REDIC1: variants seen among roughly 807,000 people sequenced by gnomAD.
REDIC1 encodes the protein HEI10 Interacting Protein 1.
chr12:39,741,667 G>A, the REDIC1 span, among the ~76,000 whole-genome samples: 45 of 152,298 alleles, frequency 3.0e-4, no homozygotes, highest in African/African-American at 1.1e-3. Flanking sequence ...AGGAGTTACA[G>A]GTAAAGACAT....
the REDIC1 span, among the ~76,000 whole-genome samples, chr12:39,903,139 C>A: frequency 1.3e-5 from 2 of 152,062 alleles, no homozygotes; most frequent in Non-Finnish European, 2.9e-5. Context: ...CTAAATTGGT[C>A]TGATAGGCAT....
the REDIC1 span, among the ~76,000 whole-genome samples, chr12:39,752,329 C>G: frequency 9.4e-4 from 143 of 152,214 alleles, no homozygotes; most frequent in Non-Finnish European, 1.6e-3. Context: ...ACTGTGCATG[C>G]AAGGGATCTA....
At chr12:39,748,606 C>G in the REDIC1 span, among the ~76,000 whole-genome samples, 1 of 152,340 alleles carries the variant, frequency 6.6e-6, no homozygotes, top group Non-Finnish European at 1.5e-5. Context: ...CCCAAATCAA[C>G]ACAATATACA....
chr12:39,775,901 C>T, the REDIC1 span, among the ~76,000 whole-genome samples: 6 of 152,182 alleles, frequency 3.9e-5, no homozygotes, highest in East Asian at 1.2e-3. Context: ...CACCCCTAAT[C>T]TGAAATCCAA....
the REDIC1 span, among the ~76,000 whole-genome samples, chr12:39,748,161 G>T: frequency 3.3e-5 from 5 of 152,278 alleles, no homozygotes; most frequent in South Asian, 1.0e-3. Flanking sequence ...CCATCAGTGT[G>T]CTGTATTCAG....
chr12:39,759,901 A>C, the REDIC1 span: 32 of 666,040 alleles, frequency 4.8e-5, no homozygotes, highest in Non-Finnish European at 7.4e-5. Context: ...AGTATTCTAG[A>C]ATATGAAGTC....
At chr12:39,780,413 T>C in the REDIC1 span, among the ~76,000 whole-genome samples, 1 of 152,172 alleles carries the variant, frequency 6.6e-6, no homozygotes, top group Non-Finnish European at 1.5e-5. Flanking sequence ...TCCCCTAAGT[T>C]AGCATTCTTT....
At chr12:39,707,183 A>C in the REDIC1 span, among the ~76,000 whole-genome samples, 1 of 151,940 alleles carries the variant, frequency 6.6e-6, no homozygotes, top group Non-Finnish European at 1.5e-5. Context: ...AATAATCTCA[A>C]TAAGAAATAG....
the REDIC1 span, among the ~76,000 whole-genome samples, chr12:39,678,468 G>A: frequency 2.0e-5 from 3 of 151,706 alleles, no homozygotes; most frequent in Non-Finnish European, 4.4e-5. Flanking sequence ...CAAAAAAAAA[G>A]TCCGGGACCA....
the REDIC1 span, among the ~76,000 whole-genome samples, chr12:39,655,853 G>T: frequency 1.3e-5 from 2 of 152,170 alleles, no homozygotes; most frequent in South Asian, 2.1e-4. Flanking sequence ...GTGTGCCTTT[G>T]GTTACTTCAC....
chr12:39,688,980 A>G, the REDIC1 span, among the ~76,000 whole-genome samples: 35 of 152,092 alleles, frequency 2.3e-4, 1 homozygote, highest in Admixed American at 6.5e-5. Flanking sequence ...TTTTTTGTAG[A>G]ATGTACCCTT....
At chr12:39,808,427 G>A in the REDIC1 span, among the ~76,000 whole-genome samples, 3 of 152,088 alleles carry the variant, frequency 2.0e-5, no homozygotes, top group African/African-American at 7.2e-5. Context: ...AGAAACATTT[G>A]TTGGACACAT....
chr12:39,664,149 T>TA, the REDIC1 span, among the ~76,000 whole-genome samples: 1 of 152,016 alleles, frequency 6.6e-6, no homozygotes, highest in African/African-American at 2.4e-5. Flanking sequence ...TATGTATACA[T>TA]ATGCCATGTT....
chr12:39,723,129 T>C, the REDIC1 span, among the ~76,000 whole-genome samples: 1 of 152,166 alleles, frequency 6.6e-6, no homozygotes, highest in African/African-American at 2.4e-5. Flanking sequence ...TGTCCATCAC[T>C]CCATGAGAGA....
chr12:39,748,888 C>T, the REDIC1 span, among the ~76,000 whole-genome samples: 4 of 152,124 alleles, frequency 2.6e-5, no homozygotes, highest in Non-Finnish European at 1.5e-5. Context: ...AAAGACACAA[C>T]ATACCAGAAT....
the REDIC1 span, among the ~76,000 whole-genome samples, chr12:39,808,232 C>A: frequency 0.093 from 14,205 of 151,976 alleles, 780 homozygotes; most frequent in Middle Eastern, 0.13. Flanking sequence ...GGCTTTTTTG[C>A]CCAACACAAT....
At chr12:39,818,048 A>T in the REDIC1 span, among the ~76,000 whole-genome samples, 1 of 152,278 alleles carries the variant, frequency 6.6e-6, no homozygotes, top group African/African-American at 2.4e-5. Context: ...TTTAACTTCT[A>T]CAGATGTTTC....
the REDIC1 span, among the ~76,000 whole-genome samples, chr12:39,713,189 G>T: frequency 6.0e-5 from 9 of 149,120 alleles, no homozygotes; most frequent in Non-Finnish European, 1.3e-4. Context: ...ATACCCATGT[G>T]TATATATTTG....
At chr12:39,665,737 C>G in the REDIC1 span, among the ~76,000 whole-genome samples, 1 of 151,478 alleles carries the variant, frequency 6.6e-6, no homozygotes, top group Non-Finnish European at 1.5e-5. Flanking sequence ...TTTGTATCCT[C>G]TTTTATTTCA....
Sources: gnomAD v4.1 joint callset for allele counts (sites outside exome capture counted in the v4.1 genomes callset) on GRCh38, gnomAD v4.1.1 for gene constraint, MANE v1.5 for transcripts, NCBI Gene and HGNC (gene_info 2026-07-23, HGNC 2026-07-21) for gene names.